COL9A1: variants seen among roughly 807,000 people sequenced by gnomAD.
The protein encoded by COL9A1 is collagen alpha-1(IX) chain.
COL9A1 carries 104 observed loss-of-function variants against 142.6 expected under a neutral mutation model. The ratio of observed to expected loss-of-function variants is 0.73; its 90% CI spans 0.62 to 0.86. The LOEUF (loss-of-function observed/expected upper bound fraction) is 0.86, where lower values mean the gene tolerates loss of function less well. COL9A1 is among the 40% of genes least tolerant of loss of function. COL9A1 has a pLI of 0.00. For synonymous variants in COL9A1, 466 were observed against 396.0 expected (o/e 1.18, Z -2.10); for missense variants, 1,210 against 1,176.6 (o/e 1.03, Z -0.42).
intron 28 of COL9A1, among the ~76,000 whole-genome samples, chr6:70,247,604 G>A (rs1220623414): frequency 1.3e-5 from 2 of 152,108 alleles, no homozygotes; most frequent in African/African-American, 4.8e-5. Context: ...TAACCTAGGA[G>A]ATCAATTATG....
At chr6:70,293,666 C>T (rs1448633334) in intron 5 of COL9A1, among the ~76,000 whole-genome samples, 2 of 149,200 alleles carry the variant, frequency 1.3e-5, no homozygotes, top group Non-Finnish European at 3.0e-5. Context: ...CACACACACA[C>T]ACACACACAT....
At chr6:70,224,704 A>G (rs1173580923) in intron 37 of COL9A1, among the ~76,000 whole-genome samples, 1 of 152,198 alleles carries the variant, frequency 6.6e-6, no homozygotes, top group Admixed American at 6.5e-5. Flanking sequence ...CTACACACCC[A>G]TCAATGAATC....
At chr6:70,248,892 A>G (rs754757283) in intron 28 of COL9A1, among the ~76,000 whole-genome samples, 6 of 152,206 alleles carry the variant, frequency 3.9e-5, no homozygotes, top group Non-Finnish European at 8.8e-5. Flanking sequence ...GATCACTTCT[A>G]TCTGGGGGAC....
chr6:70,260,901 C>A, intron 19 of COL9A1, 191 bp from the exon 20 acceptor site: 1 of 530,676 alleles, frequency 1.9e-6, no homozygotes, highest in South Asian at 2.8e-5. Context: ...GATGGTAAAC[C>A]TTTTTATAAA....
At chr6:70,290,891 A>T (rs978158038) in intron 5 of COL9A1, among the ~76,000 whole-genome samples, 1 of 152,118 alleles carries the variant, frequency 6.6e-6, no homozygotes, top group African/African-American at 2.4e-5. Context: ...TGGTATTTTT[A>T]TGCTATTTCA....
At chr6:70,278,332 A>C (rs1475606884) in intron 10 of COL9A1, among the ~76,000 whole-genome samples, 1 of 152,114 alleles carries the variant, frequency 6.6e-6, no homozygotes, top group Non-Finnish European at 1.5e-5. Flanking sequence ...AGAAATCTGG[A>C]CTATTTTGTT....
chr6:70,260,776 C>T (rs1274531326), intron 19 of COL9A1, 66 bp from the exon 20 acceptor site: 1 of 1,500,276 alleles, frequency 6.7e-7, no homozygotes, highest in Non-Finnish European at 9.2e-7. Context: ...AATCTCATCA[C>T]AAAAGCTGAT....
intron 20 of COL9A1, among the ~76,000 whole-genome samples, chr6:70,259,579 C>T (rs188184620): frequency 7.9e-5 from 12 of 152,256 alleles, no homozygotes; most frequent in East Asian, 1.9e-4. Context: ...CCTCCACCAA[C>T]GGCAACACCT....
chr6:70,274,040 T>C lies in COL9A1; in HGVS notation c.1065+7A>G, dbSNP rs774355183. On this transcript the variant is annotated splice_region_variant and intron_variant, in intron 12 of 37. Transcript: ENST00000357250. ...ATTTTCAATTCTGTAGCTTTACATTTACTTACTGGAAATCCACGCGATCCA... is the reference window on the plus strand; with the variant it reads ...ATTTTCAATTCTGTAGCTTTACATTCACTTACTGGAAATCCACGCGATCCA... 1 of 1,544,870 alleles carries C rather than the reference T, an allele frequency of 6.5e-7. No individual in the cohort carries two copies. Among genetic ancestry groups the C allele is most frequent in the African/African-American group, 1.4e-5 (1 of 72,842 alleles).
intron 5 of COL9A1, among the ~76,000 whole-genome samples, chr6:70,290,582 G>A (rs1392040995): frequency 6.6e-6 from 1 of 151,978 alleles, no homozygotes; most frequent in East Asian, 1.9e-4. Flanking sequence ...AAGGAAAGGG[G>A]ATGAAAGATA....
At chr6:70,227,106 T>C (rs543670669) in intron 36 of COL9A1, among the ~76,000 whole-genome samples, 72 of 152,054 alleles carry the variant, frequency 4.7e-4, no homozygotes, top group African/African-American at 1.5e-3. Flanking sequence ...TTGGAAGAAG[T>C]GGGTAGTCAA....
intron 29 of COL9A1, among the ~76,000 whole-genome samples, chr6:70,242,308 G>T (rs912498141): frequency 6.6e-6 from 1 of 151,582 alleles, no homozygotes; most frequent in African/African-American, 2.4e-5. Flanking sequence ...CGCCACCCCC[G>T]CACTGCCTGC....
intron 4 of COL9A1, among the ~76,000 whole-genome samples, chr6:70,296,426 G>T (rs187085049): frequency 7.4e-4 from 112 of 152,034 alleles, no homozygotes; most frequent in African/African-American, 2.1e-3. Context: ...TGGAGCTACA[G>T]AAAAAAATTA....
rs1770278757 is a variant in COL9A1, at chr6:70,241,826, T to C, written c.1998+138A>G. The stretch of plus-strand genomic sequence containing the variant: ...GCTTCTTAATCTCAACTCTGAGTAA[T>C]TTAAAATATCTTTCTTGATAGCTGT... On this transcript the variant is annotated intron_variant, in intron 30 of 37. Coordinates refer to ENST00000357250, the MANE Select transcript of COL9A1 (RefSeq NM_001851.6). The C allele has an allele frequency of 8.8e-6, 7 of 796,056 alleles. No homozygotes were observed. In the South Asian group the frequency reaches 1.1e-4, roughly 12 times the overall value. The allele number at this position is 796,056 out of a possible 1,614,324, so 49.3% of individuals were successfully genotyped here. A position where few individuals can be genotyped will look rare whatever the true frequency, so the allele number is the denominator to read the frequency against.
At chr6:70,241,324 T>C in intron 31 of COL9A1, 95 bp downstream of exon 31, 2 of 1,031,866 alleles carry the variant, frequency 1.9e-6, no homozygotes, top group Admixed American at 1.7e-5. Context: ...GCCTTCATGG[T>C]TTTATTAACC....
In COL9A1 at chr6:70,302,988, C is replaced by T; in HGVS notation, c.-64G>A. 1 of 1,542,398 alleles carries T rather than the reference C, an allele frequency of 6.5e-7. No individual in the cohort carries two copies. The highest frequency in any genetic ancestry group is 1.1e-5 in the South Asian group (1 of 89,546). Reference sequence around the variant, plus strand: ...TGAAGAAGGGGTTGGAAGGGAGTCACTGTCCCCTCACGACCCCTTCACTGT... The same window carrying T: ...TGAAGAAGGGGTTGGAAGGGAGTCATTGTCCCCTCACGACCCCTTCACTGT... On this transcript the variant is annotated 5_prime_UTR_variant, in exon 1 of 38. The change creates a new upstream start codon in the 5' untranslated region. Coordinates refer to ENST00000357250, the MANE Select transcript of COL9A1 (RefSeq NM_001851.6).
intron 37 of COL9A1, among the ~76,000 whole-genome samples, chr6:70,217,364 C>A (rs1349925889): frequency 1.3e-5 from 2 of 152,124 alleles, no homozygotes; most frequent in African/African-American, 4.8e-5. Flanking sequence ...TAGCCTCCAG[C>A]CACAGGTGCC....
chr6:70,300,199 A>C, intron 3 of COL9A1, 24 bp from the exon 4 acceptor site: 1 of 1,613,630 alleles, frequency 6.2e-7, no homozygotes, highest in South Asian at 1.1e-5. Context: ...ATACAAAATG[A>C]AAAGTCTAAA....
At chr6:70,224,432 T>G (rs1399868559) in intron 37 of COL9A1, among the ~76,000 whole-genome samples, 2 of 152,204 alleles carry the variant, frequency 1.3e-5, no homozygotes, top group Non-Finnish European at 2.9e-5. Context: ...AACAGATTAT[T>G]TTCAAAGTGA....
Sources: allele counts gnomAD v4.1 joint callset (sites outside exome capture counted in the v4.1 genomes callset), GRCh38; gene constraint gnomAD v4.1.1; transcripts MANE v1.5; gene names NCBI Gene and HGNC (gene_info 2026-07-23, HGNC 2026-07-21).